The following KCNQ1OT1 variants were observed in gnomAD, a reference collection of about 807,000 sequenced individuals.
KCNQ1OT1 encodes the protein KCNQ1 antisense RNA 2 (non-protein coding).
rs1849803259 is a variant in KCNQ1OT1 at position 2,654,325 on chromosome 11, G to A, written n.45670C>T. On this transcript the variant is annotated non_coding_transcript_exon_variant, in exon 1 of 1. Coordinates refer to ENST00000597346, the Ensembl canonical transcript of KCNQ1OT1. This position sits in a 1 kb window ranked among gnomAD's most constrained non-coding sequence, Gnocchi z 6.4. ...AGATTTCTTGAGGGGGCCAGGGAGG[G>A]GGCTTCTACTTGCAAAGGATAGGGA... is the stretch of plus-strand genomic sequence containing the variant. 7.5e-6 allele frequency: 3 copies of A among 398,654 alleles called. No homozygotes were observed. The highest frequency in any genetic ancestry group is 2.1e-5 in the African/African-American group (1 of 48,612). 24.7% of individuals were successfully genotyped at this position (398,654 alleles called of 1,614,324 possible). A position where few individuals can be genotyped will look rare whatever the true frequency, so the allele number is the denominator to read the frequency against.
At chr11:2,629,670 A>G (rs954073642) in exon 1 of KCNQ1OT1, 1 of 398,348 alleles carries the variant, frequency 2.5e-6, no homozygotes, top group Non-Finnish European at 4.4e-6. Flanking sequence ...GGAGCTCTCT[A>G]TTCTTTTTGA....
At chr11:2,680,027 G>T in exon 1 of KCNQ1OT1, 1 of 396,470 alleles carries the variant, frequency 2.5e-6, no homozygotes. Context: ...CCTAGTAGCT[G>T]GGACTACAGA....
Position 2,657,882 on chromosome 11 carries a change from A to AG in KCNQ1OT1, n.42112dup, listed in dbSNP as rs1238096311. 2.0e-5 allele frequency: 8 copies of AG among 398,508 alleles called. No individual in the cohort carries two copies. 24.7% of individuals were successfully genotyped at this position (398,508 alleles called of 1,614,324 possible). Reference sequence around the variant, plus strand: ...TAGGTTTAGGGGAAGGAGGCCAGTGAGGTGAGATGCTTTCCTCATTGTGGA... The same window carrying AG: ...TAGGTTTAGGGGAAGGAGGCCAGTGAGGGTGAGATGCTTTCCTCATTGTGGA... On this transcript the variant is annotated non_coding_transcript_exon_variant, in exon 1 of 1. Transcript: ENST00000597346. The surrounding 1 kb of genome is among the most constrained non-coding windows in gnomAD (Gnocchi z 4.8).
rs562034883 is a variant in KCNQ1OT1, at chr11:2,653,455, CACACAGCTGGACCCAGCTGTTTCAG to C, written n.46515_46539del. 1.2e-3 allele frequency: 487 copies of C among 398,624 alleles called. 3 individuals are homozygous for C. The highest frequency in any genetic ancestry group is 6.4e-3 in the African/African-American group (311 of 48,734). The allele number at this position is 398,624 out of a possible 1,614,324, so 24.7% of individuals were successfully genotyped here. A position where few individuals can be genotyped will look rare whatever the true frequency, so the allele number is the denominator to read the frequency against. ...AGCACAAAAGGGACATTTTTTGGCT[CACACAGCTGGACCCAGCTGTTTCAG>C]ACACAGCTGGACCCCAGAGCTGAGA... On this transcript the variant is annotated non_coding_transcript_exon_variant, in exon 1 of 1. Coordinates refer to ENST00000597346, the Ensembl canonical transcript of KCNQ1OT1. The surrounding 1 kb of genome is among the most constrained non-coding windows in gnomAD (Gnocchi z 5.3).
At chr11:2,641,787 C>A (rs1266438162) in exon 1 of KCNQ1OT1, 13 of 398,270 alleles carry the variant, frequency 3.3e-5, no homozygotes, top group Non-Finnish European at 4.9e-5. Context: ...ATGTTTAAGT[C>A]TTTAACCCAT....
At chr11:2,646,791 C>G (rs946446780) in exon 1 of KCNQ1OT1, 9 of 398,510 alleles carry the variant, frequency 2.3e-5, no homozygotes, top group African/African-American at 1.9e-4. Context: ...GCTGAAATTA[C>G]AAGCATGAGC....
chr11:2,636,575 G>C (rs1849469180), exon 1 of KCNQ1OT1: 1 of 152,182 alleles, frequency 6.6e-6, no homozygotes, highest in Non-Finnish European at 1.5e-5. Flanking sequence ...TGTGCTGCTG[G>C]ATTCGGTTTG....
exon 1 of KCNQ1OT1, chr11:2,689,897 C>A (rs1183313863): frequency 2.5e-6 from 1 of 398,790 alleles, no homozygotes; most frequent in African/African-American, 2.1e-5. Flanking sequence ...GGGGAAGGTT[C>A]CCACCTGCTC....
exon 1 of KCNQ1OT1, chr11:2,699,614 A>G (rs112473983): frequency 8.2e-5 from 19 of 231,688 alleles, no homozygotes; most frequent in East Asian, 4.2e-4. Flanking sequence ...AGGCCCCCGG[A>G]GAGAACCGCG....
exon 1 of KCNQ1OT1, chr11:2,630,333 T>A (rs916732063): frequency 7.5e-6 from 3 of 398,308 alleles, no homozygotes; most frequent in African/African-American, 6.2e-5. Flanking sequence ...TGAAAATTTT[T>A]AAATGTATAG....
In KCNQ1OT1 at chr11:2,624,820, T is replaced by G; in HGVS notation, n.75175A>C. On this transcript the variant is annotated non_coding_transcript_exon_variant, in exon 1 of 1. Transcript: ENST00000597346. This position sits in a 1 kb window ranked among gnomAD's most constrained non-coding sequence, Gnocchi z 4.9. Reference sequence around the variant, plus strand: ...ATTTGACTATTCTACATACCTCATATAAGTGGAAACATACAGTACTTCTCT... The same window carrying G: ...ATTTGACTATTCTACATACCTCATAGAAGTGGAAACATACAGTACTTCTCT... 2.5e-6 allele frequency: 1 copy of G among 398,600 alleles called. No homozygotes were observed. The highest frequency in any genetic ancestry group is 4.4e-6 in the Non-Finnish European group (1 of 226,046). 24.7% of individuals were successfully genotyped at this position (398,600 alleles called of 1,614,324 possible).
rs1201300558 is a variant in KCNQ1OT1 at position 2,612,596 on chromosome 11, T to G, written n.87399A>C. 2.5e-6 allele frequency: 1 copy of G among 398,484 alleles called. No individual in the cohort carries two copies. Among genetic ancestry groups the G allele is most frequent in the Non-Finnish European group, 4.4e-6 (1 of 226,070 alleles). The allele number at this position is 398,484 out of a possible 1,614,324, so 24.7% of individuals were successfully genotyped here. ...TACAGAATTTCTATTTGGTTTCTAA[T>G]TTCTATCTCTATATTGATATTATCT... On this transcript the variant is annotated non_coding_transcript_exon_variant, in exon 1 of 1. Transcript: ENST00000597346. The surrounding 1 kb of genome is among the most constrained non-coding windows in gnomAD (Gnocchi z 5.5).
At chr11:2,629,003 T>G (rs1246639739) in exon 1 of KCNQ1OT1, 5 of 398,238 alleles carry the variant, frequency 1.3e-5, no homozygotes, top group African/African-American at 8.2e-5. Flanking sequence ...CTTTGAAATA[T>G]AATTCAAAAT....
At chr11:2,666,314 C>G in exon 1 of KCNQ1OT1, 2 of 398,674 alleles carry the variant, frequency 5.0e-6, no homozygotes, top group Non-Finnish European at 8.8e-6. Flanking sequence ...GCTGCAGAGA[C>G]CCCCACCAGG....
chr11:2,614,500 A>C (rs1172287210), exon 1 of KCNQ1OT1: 1 of 398,484 alleles, frequency 2.5e-6, no homozygotes, highest in East Asian at 3.6e-5. Flanking sequence ...CTACTAAGAA[A>C]TTTATGCCTT....
rs1160643945 is a variant in KCNQ1OT1, at chr11:2,676,789, G to T, written n.23206C>A. 6 of 398,508 alleles carry T rather than the reference G, an allele frequency of 1.5e-5. No homozygotes were observed. Among genetic ancestry groups the T allele is most frequent in the Non-Finnish European group, 2.7e-5 (6 of 226,074 alleles). The allele number at this position is 398,508 out of a possible 1,614,324, so 24.7% of individuals were successfully genotyped here. A position where few individuals can be genotyped will look rare whatever the true frequency, so the allele number is the denominator to read the frequency against. ...CCCTAGGACATTTGAAGAGAATGGA[G>T]TGATGGCCAGTGTATTGTGCTGGGA... On this transcript the variant is annotated non_coding_transcript_exon_variant, in exon 1 of 1. Coordinates refer to ENST00000597346, the Ensembl canonical transcript of KCNQ1OT1. The surrounding 1 kb of genome is among the most constrained non-coding windows in gnomAD (Gnocchi z 4.2).
At chr11:2,662,110 G>A (rs1444602955) in exon 1 of KCNQ1OT1, 2 of 1,613,896 alleles carry the variant, frequency 1.2e-6, no homozygotes, top group Non-Finnish European at 1.7e-6. Flanking sequence ...GTGAAGGGCT[G>A]GGCTGGAGGG....
At chr11:2,629,943 G>A (rs903694761) in exon 1 of KCNQ1OT1, 5 of 398,212 alleles carry the variant, frequency 1.3e-5, no homozygotes, top group East Asian at 1.1e-4. Flanking sequence ...CTCTGGCTAG[G>A]ACTTCCAGTA....
rs1850161588 is a variant in KCNQ1OT1, at chr11:2,670,383, A to G, written n.29612T>C. 1 of 398,312 alleles carries G rather than the reference A, an allele frequency of 2.5e-6. No homozygotes were observed. The highest frequency in any genetic ancestry group is 2.1e-5 in the African/African-American group (1 of 48,536). The allele number at this position is 398,312 out of a possible 1,614,324, so 24.7% of individuals were successfully genotyped here. A position where few individuals can be genotyped will look rare whatever the true frequency, so the allele number is the denominator to read the frequency against. ...TAGTATAGGCTGAAATTCCAAGAGC[A>G]TTAACCAGACACCTACTATGTGTAT... On this transcript the variant is annotated non_coding_transcript_exon_variant, in exon 1 of 1. Coordinates refer to ENST00000597346, the Ensembl canonical transcript of KCNQ1OT1. The surrounding 1 kb of genome is among the most constrained non-coding windows in gnomAD (Gnocchi z 4.9).
Sources: allele counts gnomAD v4.1 joint callset, GRCh38; gene constraint gnomAD v4.1.1; non-coding constraint Gnocchi (gnomAD v3.1); transcripts MANE v1.5; gene names NCBI Gene and HGNC (gene_info 2026-07-23, HGNC 2026-07-21).